Variants in CDKAL1 observed in about 807,000 individuals in gnomAD.
The protein encoded by CDKAL1 is threonylcarbamoyladenosine tRNA methylthiotransferase.
CDKAL1 carries 32 observed loss-of-function variants against 68.2 expected under a neutral mutation model. The observed-to-expected ratio is 0.47, with a 90% confidence interval of 0.35 to 0.63. CDKAL1 has a LOEUF of 0.63. Among genes scored for constraint, CDKAL1 ranks in the 30% least tolerant of loss-of-function variants. The probability of loss-of-function intolerance (pLI) is 0.00; values close to 1 mark genes in which losing one functional copy is unlikely to be tolerated. For synonymous variants in CDKAL1, 234 were observed against 244.3 expected, an observed-to-expected ratio of 0.96 and a Z score of 0.39; for missense variants, 606 against 696.7, an observed-to-expected ratio of 0.87 and a Z score of 1.47.
chr6:20,971,694 C>T (rs1031465506), intron 10 of CDKAL1, among the ~76,000 whole-genome samples: 1 of 152,122 alleles, frequency 6.6e-6, no homozygotes, highest in Non-Finnish European at 1.5e-5. Flanking sequence ...GAAGTGTTTA[C>T]AGAAGTAGAA....
intron 12 of CDKAL1, among the ~76,000 whole-genome samples, chr6:21,092,053 A>AT (rs1420817233): frequency 3.3e-5 from 5 of 150,372 alleles, no homozygotes; most frequent in East Asian, 2.0e-4. Flanking sequence ...CGCCTGGCTC[A>AT]TTTTTTGTAT....
intron 9 of CDKAL1, among the ~76,000 whole-genome samples, chr6:20,863,062 C>T (rs1581720997): frequency 6.6e-6 from 1 of 152,114 alleles, no homozygotes; most frequent in Non-Finnish European, 1.5e-5. Context: ...GGACTATATG[C>T]ATATTTATAA....
At chr6:21,046,913 TCTC>T (rs1323722051) in intron 11 of CDKAL1, among the ~76,000 whole-genome samples, 1 of 152,166 alleles carries the variant, frequency 6.6e-6, no homozygotes, top group Non-Finnish European at 1.5e-5. Flanking sequence ...CTCCACTTCA[TCTC>T]CTCCTCGTAA....
intron 8 of CDKAL1, among the ~76,000 whole-genome samples, chr6:20,794,612 G>A (rs939057247): frequency 1.3e-5 from 2 of 152,082 alleles, no homozygotes; most frequent in South Asian, 2.1e-4. Flanking sequence ...AATCTTTTTG[G>A]CAGATTCACA....
intron 9 of CDKAL1, among the ~76,000 whole-genome samples, chr6:20,950,370 C>T (rs1322722523): frequency 2.6e-5 from 4 of 151,920 alleles, no homozygotes; most frequent in African/African-American, 7.3e-5. Flanking sequence ...GTGATCCGCC[C>T]GCCTTGGCCT....
At chr6:21,171,191 A>G (rs1019894399) in intron 13 of CDKAL1, among the ~76,000 whole-genome samples, 1 of 152,244 alleles carries the variant, frequency 6.6e-6, no homozygotes, top group Admixed American at 6.5e-5. Context: ...TTATTTTACA[A>G]TGCTATCATT....
At chr6:20,594,139 G>C (rs1414590866) in intron 4 of CDKAL1, among the ~76,000 whole-genome samples, 1 of 152,182 alleles carries the variant, frequency 6.6e-6, no homozygotes, top group African/African-American at 2.4e-5. Context: ...GTGCTGAGAA[G>C]AATGTATATT....
rs114599733 is a variant in CDKAL1, at chr6:20,983,268, A to T, written c.910-16959A>T. Among the ~76,000 whole-genome samples, 687 of 152,356 alleles carry T rather than the reference A, an allele frequency of 4.5e-3. 6 individuals carry two copies. The highest frequency in any genetic ancestry group is 0.015 in the African/African-American group (619 of 41,582). On this transcript the variant is annotated intron_variant, in intron 10 of 15. Coordinates refer to ENST00000274695, the MANE Select transcript of CDKAL1 (RefSeq NM_017774.3). ...TTAATTTATTATTTAATTTTAAGTA[A>T]TGTAATAAGAGCTAGTTAACTTAGT...
At chr6:20,842,978 A>G (rs113288293) in intron 8 of CDKAL1, among the ~76,000 whole-genome samples, 1 of 152,216 alleles carries the variant, frequency 6.6e-6, no homozygotes, top group Non-Finnish European at 1.5e-5. Context: ...TCAGAATATC[A>G]CTTTGTTTAT....
chr6:20,718,411 T>C (rs1317632710), intron 5 of CDKAL1, among the ~76,000 whole-genome samples: 1 of 152,204 alleles, frequency 6.6e-6, no homozygotes, highest in Admixed American at 6.5e-5. Context: ...CCTTAAACTC[T>C]TGTTTTTCAT....
intron 4 of CDKAL1, among the ~76,000 whole-genome samples, chr6:20,553,244 T>C (rs1763901560): frequency 6.6e-6 from 1 of 152,038 alleles, no homozygotes; most frequent in Non-Finnish European, 1.5e-5. Flanking sequence ...GTGTGGTGGC[T>C]CACGCCCGTA....
At chr6:20,762,038 T>C (rs1774492079) in intron 7 of CDKAL1, among the ~76,000 whole-genome samples, 1 of 152,164 alleles carries the variant, frequency 6.6e-6, no homozygotes. Flanking sequence ...ATATAGAAAC[T>C]GTACTTCTGC....
intron 5 of CDKAL1, 130 bp from the exon 6 acceptor site, chr6:20,739,389 T>C (rs1773343789): frequency 1.8e-6 from 1 of 559,680 alleles, no homozygotes; most frequent in African/African-American, 1.9e-5. Flanking sequence ...CTTTAACCAG[T>C]TGTAAGAAAA....
chr6:21,135,097 T>C (rs887401651), intron 13 of CDKAL1, among the ~76,000 whole-genome samples: 5 of 152,182 alleles, frequency 3.3e-5, no homozygotes, highest in Middle Eastern at 3.2e-3. Context: ...CTAATTTTGC[T>C]TGGAGAAGGC....
At chr6:20,545,807 T>C (rs1231025420) in intron 2 of CDKAL1, among the ~76,000 whole-genome samples, 3 of 152,248 alleles carry the variant, frequency 2.0e-5, no homozygotes, top group Non-Finnish European at 4.4e-5. Flanking sequence ...ATAGACATAA[T>C]GACATTTCAC....
intron 11 of CDKAL1, among the ~76,000 whole-genome samples, chr6:21,010,136 T>G (rs1315740073): frequency 6.6e-6 from 1 of 152,194 alleles, no homozygotes; most frequent in Non-Finnish European, 1.5e-5. Context: ...GTATCAATTT[T>G]TTACGTAAAA....
chr6:21,086,745 G>T (rs557389875), intron 12 of CDKAL1, among the ~76,000 whole-genome samples: 45 of 152,072 alleles, frequency 3.0e-4, no homozygotes, highest in African/African-American at 1.0e-3. Flanking sequence ...TATGATTTAG[G>T]GCCCAAGCTC....
intron 13 of CDKAL1, among the ~76,000 whole-genome samples, chr6:21,122,213 A>G (rs1320503333): frequency 6.6e-6 from 1 of 152,254 alleles, no homozygotes; most frequent in African/African-American, 2.4e-5. Context: ...CCTACATTTT[A>G]GAATTTGCAT....
chr6:20,835,324 A>G (rs991979200), intron 8 of CDKAL1, among the ~76,000 whole-genome samples: 3 of 152,228 alleles, frequency 2.0e-5, no homozygotes, highest in Non-Finnish European at 4.4e-5. Context: ...ATAATTATTT[A>G]TTAAAGTAAT....
Sources: allele counts gnomAD v4.1 joint callset (sites outside exome capture counted in the v4.1 genomes callset), GRCh38; gene constraint gnomAD v4.1.1; transcripts MANE v1.5; gene names NCBI Gene and HGNC (gene_info 2026-07-23, HGNC 2026-07-21).